The following CNTN5 variants were observed in gnomAD, a reference collection of about 807,000 sequenced individuals.
CNTN5 encodes the protein contactin 5, also known as contactin-5.
A neutral mutation model predicts 129.1 loss-of-function variants in CNTN5; 77 were observed. The ratio of observed to expected loss-of-function variants is 0.60; its 90% CI spans 0.50 to 0.72. The LOEUF (loss-of-function observed/expected upper bound fraction) is 0.72, where lower values mean the gene tolerates loss of function less well. Ranked by LOEUF, CNTN5 falls within the 30% of genes least tolerant of loss-of-function variation. CNTN5 has a pLI of 0.00. For missense variants in CNTN5, 1,478 were observed against 1,328.8 expected, an observed-to-expected ratio of 1.11 and a Z score of -1.75; for synonymous variants, 509 against 465.6, an observed-to-expected ratio of 1.09 and a Z score of -1.20.
At chr11:100,245,041 A>G (rs1949814756) in intron 16 of CNTN5, among the ~76,000 whole-genome samples, 2 of 152,092 alleles carry the variant, frequency 1.3e-5, no homozygotes, top group Non-Finnish European at 2.9e-5. Flanking sequence ...TGTAGATAAT[A>G]TAAAGCCTAA....
At chr11:100,042,089 A>G (rs1004850057) in intron 9 of CNTN5, among the ~76,000 whole-genome samples, 2 of 152,172 alleles carry the variant, frequency 1.3e-5, no homozygotes, top group Non-Finnish European at 2.9e-5. Flanking sequence ...TCTCCTCTCA[A>G]GAAGGGCCCA....
intron 6 of CNTN5, among the ~76,000 whole-genome samples, chr11:99,848,188 C>T (rs1357408781): frequency 2.0e-5 from 3 of 152,078 alleles, no homozygotes; most frequent in African/African-American, 7.2e-5. Context: ...CCAGCCTGGG[C>T]GACAAAGCGA....
intron 1 of CNTN5, among the ~76,000 whole-genome samples, chr11:99,297,085 C>A (rs76157715): frequency 6.6e-6 from 1 of 152,094 alleles, no homozygotes; most frequent in African/African-American, 2.4e-5. Context: ...AACTTGCAAA[C>A]GCTTTTAACT....
At chr11:99,859,266 C>T (rs1416111265) in intron 6 of CNTN5, among the ~76,000 whole-genome samples, 1 of 152,198 alleles carries the variant, frequency 6.6e-6, no homozygotes, top group African/African-American at 2.4e-5. Context: ...GGTCACACGG[C>T]TCAGATTACT....
At chr11:100,288,241 C>G (rs1003551604) in intron 18 of CNTN5, among the ~76,000 whole-genome samples, 1 of 152,110 alleles carries the variant, frequency 6.6e-6, no homozygotes, top group Admixed American at 6.5e-5. Flanking sequence ...TTGAACTCAG[C>G]TCTGTACCAA....
At chr11:99,670,523 C>T (rs1296165932) in intron 3 of CNTN5, among the ~76,000 whole-genome samples, 3 of 152,156 alleles carry the variant, frequency 2.0e-5, no homozygotes, top group African/African-American at 7.2e-5. Context: ...CATATACTTA[C>T]TCTGCATAAA....
chr11:99,393,909 T>G (rs1031059281), intron 2 of CNTN5, among the ~76,000 whole-genome samples: 1 of 151,716 alleles, frequency 6.6e-6, no homozygotes, highest in Non-Finnish European at 1.5e-5. Context: ...AAATAGCCTA[T>G]AGGTACACAT....
intron 1 of CNTN5, among the ~76,000 whole-genome samples, chr11:99,039,431 A>AT (rs1468947376): frequency 6.6e-6 from 1 of 152,012 alleles, no homozygotes; most frequent in African/African-American, 2.4e-5. Context: ...CCACATTCTT[A>AT]TTTTTTCTAT....
chr11:99,863,231 GA>G (rs949438928), intron 6 of CNTN5, among the ~76,000 whole-genome samples: 14 of 152,144 alleles, frequency 9.2e-5, no homozygotes, highest in African/African-American at 3.4e-4. Flanking sequence ...GAAAGAGATG[GA>G]AAAAAGCAGA....
chr11:99,621,707 C>T (rs1950956435), intron 3 of CNTN5, among the ~76,000 whole-genome samples: 1 of 152,140 alleles, frequency 6.6e-6, no homozygotes, highest in Admixed American at 6.5e-5. Flanking sequence ...AAGATTGCAA[C>T]TGTAACATTT....
chr11:99,658,203 G>A (rs938994099), intron 3 of CNTN5, among the ~76,000 whole-genome samples: 3 of 152,044 alleles, frequency 2.0e-5, no homozygotes, highest in African/African-American at 7.2e-5. Flanking sequence ...AGCAGAGCAA[G>A]GTAAGTGGAT....
chr11:99,187,760 T>C (rs1018181609), intron 1 of CNTN5, among the ~76,000 whole-genome samples: 26 of 151,870 alleles, frequency 1.7e-4, no homozygotes, highest in Admixed American at 2.6e-4. Context: ...ACTATGCTAA[T>C]ATTTAAATTG....
At chr11:99,094,845 G>T (rs1591180927) in intron 1 of CNTN5, among the ~76,000 whole-genome samples, 2 of 151,966 alleles carry the variant, frequency 1.3e-5, no homozygotes, top group African/African-American at 2.4e-5. Flanking sequence ...ATTAGTGTGA[G>T]AAAGGAGATT....
rs76729319 is a variant in CNTN5 at position 100,057,748 on chromosome 11, C to T, written c.981-3464C>T. ...ACCCAGGTTTCTCTGAAGGTCCGTG[C>T]TCCTAACCAATATGTAGTGTTATTT... On this transcript the variant is annotated intron_variant, in intron 9 of 24. Transcript: ENST00000524871. Among the ~76,000 whole-genome samples, 1,495 of 152,058 alleles carry T rather than the reference C, an allele frequency of 9.8e-3. 19 individuals carry two copies. Among genetic ancestry groups the T allele is most frequent in the African/African-American group, 0.034 (1,424 of 41,520 alleles).
At chr11:99,266,974 G>C (rs1591444243) in intron 1 of CNTN5, among the ~76,000 whole-genome samples, 1 of 151,918 alleles carries the variant, frequency 6.6e-6, no homozygotes, top group African/African-American at 2.4e-5. Flanking sequence ...TAAAAGTTTT[G>C]AATTTAATCC....
chr11:99,186,827 G>A (rs1164466313), intron 1 of CNTN5, among the ~76,000 whole-genome samples: 3 of 151,938 alleles, frequency 2.0e-5, no homozygotes, highest in Non-Finnish European at 2.9e-5. Context: ...GCTGAAAGGA[G>A]AAGCCTGGAA....
At chr11:99,062,419 G>C (rs1648293283) in intron 1 of CNTN5, among the ~76,000 whole-genome samples, 1 of 152,076 alleles carries the variant, frequency 6.6e-6, no homozygotes, top group Admixed American at 6.6e-5. Context: ...TTAACTAGTA[G>C]CATTCTGACA....
intron 2 of CNTN5, among the ~76,000 whole-genome samples, chr11:99,369,401 T>C (rs1024099101): frequency 6.6e-6 from 1 of 151,250 alleles, no homozygotes; most frequent in Non-Finnish European, 1.5e-5. Context: ...GTAGTCACTC[T>C]TAACCCTGGC....
chr11:99,142,308 G>A (rs1303725602), intron 1 of CNTN5, among the ~76,000 whole-genome samples: 1 of 25,044 alleles, frequency 4.0e-5, no homozygotes, highest in African/African-American at 5.1e-4. Flanking sequence ...TTGAGCTTGT[G>A]GTGGCGAGGT....
Sources: allele counts gnomAD v4.1 joint callset (sites outside exome capture counted in the v4.1 genomes callset), GRCh38; gene constraint gnomAD v4.1.1; transcripts MANE v1.5; gene names NCBI Gene and HGNC (gene_info 2026-07-23, HGNC 2026-07-21).